The following LEKR1 variants were observed in gnomAD, a reference collection of about 807,000 sequenced individuals.
LEKR1 encodes leucine, glutamate and lysine rich 1.
Under a neutral mutation model 72.4 loss-of-function variants are expected in LEKR1, and 59 were observed. The observed-to-expected ratio is 0.82, with a 90% CI of 0.66 to 1.01. The LOEUF (loss-of-function observed/expected upper bound fraction) is 1.01. Ranked by LOEUF, LEKR1 falls within the 50% of genes least tolerant of loss-of-function variation. The pLI, the probability that LEKR1 is intolerant of heterozygous loss-of-function variation, is 0.00. For synonymous variants in LEKR1, 257 were observed against 263.2 expected (o/e 0.98, Z 0.23); for missense variants, 728 against 759.2 (o/e 0.96, Z 0.48).
At chr3:157,005,128 AGAT>A (rs1170133523) in intron 9 of LEKR1, among the ~76,000 whole-genome samples, 1 of 152,120 alleles carries the variant, frequency 6.6e-6, no homozygotes, top group African/African-American at 2.4e-5. Flanking sequence ...TCAGATATTA[AGAT>A]GATAATACAG....
chr3:156,871,585 T>G (rs550191640), intron 3 of LEKR1, among the ~76,000 whole-genome samples: 7 of 152,228 alleles, frequency 4.6e-5, no homozygotes, highest in Admixed American at 2.0e-4. Context: ...AGTGTAAAAG[T>G]GTTCCTATTT....
chr3:156,993,259 T>G lies in LEKR1; in HGVS notation c.1091T>G (p.Leu364Ter). The G allele has an allele frequency of 6.3e-7, 1 of 1,593,334 alleles. No homozygotes were observed. The highest frequency in any genetic ancestry group is 2.2e-5 in the East Asian group (1 of 44,666). Residue 364 changes from leucine (L) to a stop codon, truncating the protein, a stop_gained, in exon 9 of 13, where the codon TTA becomes TGA. Coordinates refer to ENST00000356539, the MANE Select transcript of LEKR1 (RefSeq NM_001004316.3). LOFTEE classifies it high-confidence loss of function. Reference sequence around the variant, plus strand: ...CTGAATCAGACAAGGGAAGAGGTTTTAACACTGAAAAATGAAAGGTGCAGT... The same window carrying G: ...CTGAATCAGACAAGGGAAGAGGTTTGAACACTGAAAAATGAAAGGTGCAGT... ...TLLNQTREEV[L>*]TLKNERELML...
chr3:157,028,096 C>T lies in LEKR1; in HGVS notation c.1369-7C>T. On this transcript the variant is annotated splice_polypyrimidine_tract_variant and splice_region_variant and intron_variant, in intron 11 of 12. Transcript: ENST00000356539. ...GCCTACAAGCTAATATGAGATTTAT[C>T]TTACAGATATCTGACTTAATCACAG... 2 of 1,541,602 alleles carry T rather than the reference C, an allele frequency of 1.3e-6. No homozygotes were observed. The highest frequency in any genetic ancestry group is 1.7e-6 in the Non-Finnish European group (2 of 1,143,898).
chr3:157,023,017 G>A (rs1190665813), intron 10 of LEKR1, among the ~76,000 whole-genome samples: 3 of 152,130 alleles, frequency 2.0e-5, no homozygotes, highest in Non-Finnish European at 4.4e-5. Flanking sequence ...TCTTCCATCA[G>A]TATTTTATTT....
intron 3 of LEKR1, among the ~76,000 whole-genome samples, chr3:156,893,279 CTT>C (rs1409805933): frequency 6.6e-6 from 1 of 152,084 alleles, no homozygotes; most frequent in Non-Finnish European, 1.5e-5. Context: ...ATAAGTCAGA[CTT>C]TTTAGATTTC....
At chr3:156,898,895 G>C (rs908950498) in intron 3 of LEKR1, among the ~76,000 whole-genome samples, 1 of 152,212 alleles carries the variant, frequency 6.6e-6, no homozygotes, top group Non-Finnish European at 1.5e-5. Flanking sequence ...AGAAGCTTGA[G>C]CTAGGATTCC....
At chr3:156,840,358 T>C (rs964176097) in intron 2 of LEKR1, among the ~76,000 whole-genome samples, 1 of 152,240 alleles carries the variant, frequency 6.6e-6, no homozygotes, top group East Asian at 1.9e-4. Flanking sequence ...TATGCTGTTC[T>C]CTTCCCTGTT....
intron 3 of LEKR1, among the ~76,000 whole-genome samples, chr3:156,864,102 G>C (rs1351510637): frequency 6.6e-6 from 1 of 152,022 alleles, no homozygotes; most frequent in Non-Finnish European, 1.5e-5. Flanking sequence ...CACTAATTTA[G>C]ACATCCCATT....
chr3:156,993,355 C>A, intron 9 of LEKR1, 78 bp downstream of exon 9: 1 of 888,550 alleles, frequency 1.1e-6, no homozygotes, highest in Non-Finnish European at 1.7e-6. Flanking sequence ...ACATCAGTGT[C>A]TGACATATTA....
At position 156,841,345 on chromosome 3, in the gene LEKR1, T is replaced by C. The variant is rs1477680966; in HGVS notation, c.49-11423T>C. ...AAAATATGTATTTATTTTTATAAGG[T>C]TTTTATGAGAGTTATAGAGGGTTTT... On this transcript the variant is annotated intron_variant, in intron 2 of 12. Transcript: ENST00000356539. Among the ~76,000 whole-genome samples, 5 of 152,196 alleles carry C rather than the reference T, an allele frequency of 3.3e-5. No individual in the cohort carries two copies. The South Asian group carries it at 1.0e-3, about 31-fold the overall frequency.
At chr3:156,834,842 G>A (rs1304949782) in intron 2 of LEKR1, among the ~76,000 whole-genome samples, 1 of 152,182 alleles carries the variant, frequency 6.6e-6, no homozygotes, top group Non-Finnish European at 1.5e-5. Flanking sequence ...AAATTTTGAA[G>A]ATGTTTTTAT....
In LEKR1 at chr3:156,864,818, C is replaced by T. The variant is rs544561647; in HGVS notation, c.263+11836C>T. On this transcript the variant is annotated intron_variant, in intron 3 of 12. Coordinates refer to ENST00000356539, the MANE Select transcript of LEKR1 (RefSeq NM_001004316.3). ...ATTTTTTATGTGGCCTTTCATGATA[C>T]CTATTGCTTTTTATTGTCCTTTTTT... is the stretch of plus-strand genomic sequence containing the variant. Among the ~76,000 whole-genome samples the T allele has an allele frequency of 5.9e-5, 9 of 151,936 alleles. No homozygotes were observed. The East Asian group carries it at 1.5e-3, about 26-fold the overall frequency.
intron 3 of LEKR1, among the ~76,000 whole-genome samples, chr3:156,854,723 G>C (rs1418004556): frequency 6.9e-6 from 1 of 144,444 alleles, no homozygotes; most frequent in Non-Finnish European, 1.5e-5. Flanking sequence ...GTATTTTGTA[G>C]TTTTTTTTTT....
chr3:156,951,474 A>C (rs1375704902), intron 6 of LEKR1, among the ~76,000 whole-genome samples: 1 of 151,558 alleles, frequency 6.6e-6, no homozygotes, highest in Non-Finnish European at 1.5e-5. Context: ...TCAGCTGTGA[A>C]TCCATCAGCT....
At chr3:156,984,853 A>G (rs528709725) in intron 7 of LEKR1, among the ~76,000 whole-genome samples, 1 of 151,960 alleles carries the variant, frequency 6.6e-6, no homozygotes, top group Non-Finnish European at 1.5e-5. Flanking sequence ...GACCATCACA[A>G]AGTACTAATT....
chr3:156,878,302 C>A (rs1229466817), intron 3 of LEKR1, among the ~76,000 whole-genome samples: 1 of 151,842 alleles, frequency 6.6e-6, no homozygotes, highest in African/African-American at 2.4e-5. Context: ...TTGCTGTATC[C>A]CAGAGGTTTT....
Position 156,993,360 on chromosome 3 carries a change from ATAT to A in LEKR1, c.1109+87_1109+89del, listed in dbSNP as rs1185972683. On this transcript the variant is annotated intron_variant, in intron 9 of 12. Coordinates refer to ENST00000356539, the MANE Select transcript of LEKR1 (RefSeq NM_001004316.3). ...TATATTTGCAACATCAGTGTCTGAC[ATAT>A]TATAACAATAGTGAAATCACAGGAC... The A allele has an allele frequency of 6.0e-6, 5 of 828,962 alleles. No homozygotes were observed. In the African/African-American group the frequency reaches 8.5e-5, roughly 14 times the overall value. 51.4% of individuals were successfully genotyped at this position (828,962 alleles called of 1,614,324 possible). A position where few individuals can be genotyped will look rare whatever the true frequency, so the allele number is the denominator to read the frequency against.
Position 156,906,450 on chromosome 3 carries a change from C to A in LEKR1, c.264-14125C>A, listed in dbSNP as rs1288988247. 2.0e-5 allele frequency among the ~76,000 whole-genome samples: 3 copies of A among 152,292 alleles called. No individual in the cohort carries two copies. The South Asian group carries it at 6.2e-4, about 32-fold the overall frequency. On this transcript the variant is annotated intron_variant, in intron 3 of 12. Transcript: ENST00000356539. ...CAGTGCAGGACTCTCTCCACTAGAA[C>A]ATGCTGTTAGTACCCACTATTTTCA...
chr3:156,863,126 T>C (rs1315169049), intron 3 of LEKR1, among the ~76,000 whole-genome samples: 1 of 151,594 alleles, frequency 6.6e-6, no homozygotes, highest in Non-Finnish European at 1.5e-5. Context: ...GTTGGGGAGG[T>C]GGGTTTTTTG....
Sources: gnomAD v4.1 joint callset for allele counts (sites outside exome capture counted in the v4.1 genomes callset) on GRCh38, gnomAD v4.1.1 for gene constraint, MANE v1.5 for transcripts, NCBI Gene and HGNC (gene_info 2026-07-23, HGNC 2026-07-21) for gene names.